Variants in POU6F2 observed in about 807,000 individuals in gnomAD.
The protein encoded by POU6F2 is POU domain, class 6, transcription factor 2.
POU6F2 carries 31 observed loss-of-function variants against 71.3 expected under a neutral mutation model. That is an observed-to-expected ratio of 0.43 (90% CI 0.33 to 0.59). The LOEUF is 0.59. Among genes scored for constraint, POU6F2 ranks in the 20% least tolerant of loss-of-function variants. POU6F2 has a pLI of 0.04. For missense variants in POU6F2, 783 were observed against 856.8 expected, an observed-to-expected ratio of 0.91 and a Z score of 1.07; for synonymous variants, 347 against 355.7, an observed-to-expected ratio of 0.98 and a Z score of 0.27.
intron 4 of POU6F2, among the ~76,000 whole-genome samples, chr7:39,208,675 A>G (rs1441059800): frequency 6.6e-6 from 1 of 152,174 alleles, no homozygotes. Flanking sequence ...TTGATGTTTA[A>G]AACGAAGTCT....
chr7:39,340,084 C>T, intron 5 of POU6F2, 69 bp downstream of exon 5: 1 of 1,476,726 alleles, frequency 6.8e-7, no homozygotes, highest in Non-Finnish European at 9.0e-7. Flanking sequence ...GGTGCCATCC[C>T]CAAAGGCAGA....
At chr7:39,282,407 T>C (rs1488413422) in intron 4 of POU6F2, among the ~76,000 whole-genome samples, 1 of 152,012 alleles carries the variant, frequency 6.6e-6, no homozygotes, top group African/African-American at 2.4e-5. Flanking sequence ...TTTTCTTCTA[T>C]CATTTGGCGT....
At chr7:39,121,229 G>T (rs546167258) in intron 2 of POU6F2, among the ~76,000 whole-genome samples, 2 of 152,280 alleles carry the variant, frequency 1.3e-5, no homozygotes, top group Non-Finnish European at 2.9e-5. Context: ...CTGAAAAGTT[G>T]CTTACTCTTA....
chr7:39,433,458 T>C (rs1470927184), intron 7 of POU6F2, among the ~76,000 whole-genome samples, 175 bp downstream of exon 7: 2 of 152,196 alleles, frequency 1.3e-5, no homozygotes, highest in Non-Finnish European at 2.9e-5. Flanking sequence ...TCTTAATGAA[T>C]ATGGGTGATA....
At chr7:39,242,353 G>A (rs1477371930) in intron 4 of POU6F2, among the ~76,000 whole-genome samples, 1 of 150,598 alleles carries the variant, frequency 6.6e-6, no homozygotes, top group Non-Finnish European at 1.5e-5. Context: ...CATCCTGTCA[G>A]CACTTCATGT....
At chr7:39,379,559 T>G (rs980354023) in intron 5 of POU6F2, among the ~76,000 whole-genome samples, 5 of 152,192 alleles carry the variant, frequency 3.3e-5, no homozygotes, top group Non-Finnish European at 5.9e-5. Flanking sequence ...TTTTTCCTGT[T>G]TTGCATGACT....
chr7:39,050,932 A>G (rs1256151962), intron 1 of POU6F2, among the ~76,000 whole-genome samples: 1 of 152,054 alleles, frequency 6.6e-6, no homozygotes, highest in Non-Finnish European at 1.5e-5. Context: ...TTTCTGATAC[A>G]TTTGTCTAGT....
intron 2 of POU6F2, among the ~76,000 whole-genome samples, chr7:39,087,378 A>G (rs1231985021): frequency 6.6e-6 from 1 of 152,082 alleles, no homozygotes; most frequent in East Asian, 1.9e-4. Context: ...TTAACAATAT[A>G]CTAGATTCCA....
intron 4 of POU6F2, among the ~76,000 whole-genome samples, chr7:39,300,493 C>T (rs1300414519): frequency 6.6e-6 from 1 of 152,176 alleles, no homozygotes; most frequent in Non-Finnish European, 1.5e-5. Context: ...CACTTAACTT[C>T]GGCATAGTTG....
chr7:39,407,983 A>G (rs1029940022), intron 6 of POU6F2, among the ~76,000 whole-genome samples: 1 of 152,208 alleles, frequency 6.6e-6, no homozygotes, highest in African/African-American at 2.4e-5. Flanking sequence ...TAACCTTTCA[A>G]TGTCTGCTTT....
intron 4 of POU6F2, among the ~76,000 whole-genome samples, chr7:39,257,319 T>C (rs929503056): frequency 6.6e-6 from 1 of 152,210 alleles, no homozygotes; most frequent in Non-Finnish European, 1.5e-5. Context: ...CTAGAAATTA[T>C]TTAGTCATTG....
rs1224296994 is a variant in POU6F2, at chr7:39,275,921, A to T, written c.599-63721A>T. Among the ~76,000 whole-genome samples the T allele has an allele frequency of 7.2e-5, 11 of 152,000 alleles. 1 individual carries two copies. Among genetic ancestry groups the T allele is most frequent in the Non-Finnish European group, 1.5e-4 (10 of 67,970 alleles). On this transcript the variant is annotated intron_variant, in intron 4 of 9. Coordinates refer to ENST00000518318, the MANE Select transcript of POU6F2 (RefSeq NM_001370959.1). The stretch of plus-strand genomic sequence containing the variant: ...TTAATTCAAGATGGATTAAAGACTT[A>T]AACGTTAGACCTAAAACCATAAAAA...
intron 1 of POU6F2, among the ~76,000 whole-genome samples, chr7:39,020,556 A>T (rs1039014755): frequency 1.3e-5 from 2 of 152,132 alleles, no homozygotes; most frequent in African/African-American, 4.8e-5. Flanking sequence ...TGGAAATTTG[A>T]AAAGAATATG....
intron 6 of POU6F2, among the ~76,000 whole-genome samples, chr7:39,418,997 G>A (rs200338351): frequency 1.2e-4 from 16 of 135,648 alleles, no homozygotes; most frequent in Middle Eastern, 4.0e-3. Flanking sequence ...GTATATATGT[G>A]TATATATGTG....
chr7:39,279,695 T>C (rs1360528225), intron 4 of POU6F2, among the ~76,000 whole-genome samples: 3 of 152,200 alleles, frequency 2.0e-5, no homozygotes, highest in Non-Finnish European at 4.4e-5. Context: ...ATACTCCATC[T>C]TCCCTCTGTG....
intron 4 of POU6F2, among the ~76,000 whole-genome samples, chr7:39,234,811 C>T (rs2128750528): frequency 6.6e-6 from 1 of 152,288 alleles, no homozygotes; most frequent in South Asian, 2.1e-4. Context: ...ACCATTGTTC[C>T]ATTTTTGTTA....
In POU6F2 at chr7:39,008,796, T is replaced by C. The variant is rs868491247; in HGVS notation, c.105+30738T>C. On this transcript the variant is annotated intron_variant, in intron 1 of 9. Transcript: ENST00000518318. ...AAATAGGAAATCCTTTCCCCATTGC[T>C]TGTTTTTCTCAGGTTTGTCAAAGAT... 3.5e-3 allele frequency among the ~76,000 whole-genome samples: 531 copies of C among 151,278 alleles called. 3 individuals are homozygous for C. Among genetic ancestry groups the C allele is most frequent in the Middle Eastern group, 0.027 (8 of 292 alleles).
At chr7:39,307,430 C>G (rs534382099) in intron 4 of POU6F2, among the ~76,000 whole-genome samples, 2 of 152,124 alleles carry the variant, frequency 1.3e-5, no homozygotes, top group African/African-American at 4.8e-5. Flanking sequence ...ATCTATCATA[C>G]TCGATAATAT....
At chr7:39,194,806 T>G (rs1264968056) in intron 2 of POU6F2, among the ~76,000 whole-genome samples, 1 of 152,214 alleles carries the variant, frequency 6.6e-6, no homozygotes, top group Non-Finnish European at 1.5e-5. Flanking sequence ...GCTTCACTCC[T>G]TAAGTCAGCG....
Sources: allele counts gnomAD v4.1 joint callset (sites outside exome capture counted in the v4.1 genomes callset), GRCh38; gene constraint gnomAD v4.1.1; transcripts MANE v1.5; gene names NCBI Gene and HGNC (gene_info 2026-07-23, HGNC 2026-07-21).